The following PTPN11 variants were observed in gnomAD, a reference collection of about 807,000 sequenced individuals.
PTPN11 encodes the protein protein tyrosine phosphatase non-receptor type 11.
A neutral mutation model predicts 78.8 loss-of-function variants in PTPN11; 6 were observed. That is an observed-to-expected ratio of 0.08 (90% CI 0.04 to 0.15). PTPN11 has a LOEUF of 0.15. Ranked by LOEUF, PTPN11 falls within the 10% of genes least tolerant of loss-of-function variation. The pLI, the probability that PTPN11 is intolerant of heterozygous loss-of-function variation, is 1.00. For missense variants in PTPN11, 386 were observed against 744.8 expected (o/e 0.52, Z 5.61); for synonymous variants, 221 against 263.5 (o/e 0.84, Z 1.56).
chr12:112,468,638 A>T (rs939479372), intron 6 of PTPN11, among the ~76,000 whole-genome samples: 1 of 152,182 alleles, frequency 6.6e-6, no homozygotes, highest in Non-Finnish European at 1.5e-5. Flanking sequence ...GTTAGCACCC[A>T]CCTGAGCCTG....
At chr12:112,428,481 TATTA>T (rs1381495406) in intron 1 of PTPN11, among the ~76,000 whole-genome samples, 4 of 151,366 alleles carry the variant, frequency 2.6e-5, no homozygotes, top group African/African-American at 9.7e-5. Flanking sequence ...TTAAGATTTT[TATTA>T]ATTCCACTGT....
chr12:112,500,992 AT>A (rs2038868224), intron 13 of PTPN11, among the ~76,000 whole-genome samples: 1 of 151,386 alleles, frequency 6.6e-6, no homozygotes, highest in African/African-American at 2.4e-5. Context: ...GCAGCCTTGA[AT>A]TCCTGGGCTC....
chr12:112,483,151 T>C (rs1678160551), intron 10 of PTPN11, among the ~76,000 whole-genome samples: 1 of 151,220 alleles, frequency 6.6e-6, no homozygotes, highest in South Asian at 2.1e-4. Flanking sequence ...AAAGAAAAAA[T>C]GCAGGAGTTT....
At chr12:112,451,591 A>C (rs939865352) in intron 3 of PTPN11, among the ~76,000 whole-genome samples, 3 of 152,300 alleles carry the variant, frequency 2.0e-5, no homozygotes, top group African/African-American at 7.2e-5. Flanking sequence ...ATTCAGACTT[A>C]CATGTATTGA....
At chr12:112,466,060 A>G (rs1444697720) in intron 6 of PTPN11, among the ~76,000 whole-genome samples, 1 of 152,152 alleles carries the variant, frequency 6.6e-6, no homozygotes, top group Non-Finnish European at 1.5e-5. Flanking sequence ...ATCAGTCTTT[A>G]TCTTTATAGA....
At chr12:112,447,594 G>C (rs2038013333) in intron 2 of PTPN11, among the ~76,000 whole-genome samples, 2 of 151,550 alleles carry the variant, frequency 1.3e-5, no homozygotes, top group Admixed American at 1.3e-4. Flanking sequence ...CAGCCTCCTG[G>C]GTTCAAGCTA....
intron 1 of PTPN11, among the ~76,000 whole-genome samples, chr12:112,426,939 C>T (rs989818702): frequency 9.9e-5 from 15 of 152,016 alleles, no homozygotes; most frequent in African/African-American, 3.1e-4. Flanking sequence ...ACCTGGCCAG[C>T]GATCCTTAAT....
intron 1 of PTPN11, among the ~76,000 whole-genome samples, chr12:112,444,101 T>G (rs2037952054): frequency 6.6e-6 from 1 of 152,044 alleles, no homozygotes; most frequent in South Asian, 2.1e-4. Flanking sequence ...GAGGATTAAG[T>G]TTCAACCTCA....
At chr12:112,492,830 T>C (rs1275677267) in intron 13 of PTPN11, among the ~76,000 whole-genome samples, 1 of 152,186 alleles carries the variant, frequency 6.6e-6, no homozygotes, top group African/African-American at 2.4e-5. Context: ...ATAATACTTT[T>C]TGCCTACTAA....
rs866344532 is a variant in PTPN11 at position 112,442,818 on chromosome 12, C to G, written c.15-3458C>G. 7.6e-5 allele frequency among the ~76,000 whole-genome samples: 8 copies of G among 104,604 alleles called. No individual in the cohort carries two copies. In the South Asian group the frequency reaches 1.6e-3, roughly 20 times the overall value. The allele number at this position is 104,604 out of a possible 152,430, so 68.6% of individuals were successfully genotyped here. ...ACCATGTTTACTCTCTCTCCTCTCT[C>G]TCTCTCTCTTTTTATATATATATAT... On this transcript the variant is annotated intron_variant, in intron 1 of 15. Coordinates refer to ENST00000351677, the MANE Select transcript of PTPN11 (RefSeq NM_002834.5).
At position 112,454,568 on chromosome 12, in the gene PTPN11, T is replaced by G. The variant is rs2038125193; in HGVS notation, c.530T>G (p.Leu177Arg). 1 of 1,610,754 alleles carries G rather than the reference T, an allele frequency of 6.2e-7. No individual in the cohort carries two copies. The highest frequency in any genetic ancestry group is 1.7e-5 in the Admixed American group (1 of 59,980). Reference protein sequence around the residue: ...VTHVMIRCQELKYDVGGGERF... With the variant: ...VTHVMIRCQERKYDVGGGERF... ...GTCATGTGTTTATCTTGAAAGGAAC[T>G]GAAATACGACGTTGGTGGAGGAGAA... The change falls in exon 5 of 16, where the codon CTG becomes CGG. Residue 177 changes from leucine (L) to arginine (R), a missense_variant. Leu to Arg is a moderately radical substitution (Grantham distance 102). Coordinates refer to ENST00000351677, the MANE Select transcript of PTPN11 (RefSeq NM_002834.5).
rs187475904 is a variant in PTPN11 at position 112,473,720 on chromosome 12, G to A, written c.853+680G>A. On this transcript the variant is annotated intron_variant, in intron 7 of 15. Coordinates refer to ENST00000351677, the MANE Select transcript of PTPN11 (RefSeq NM_002834.5). Reference sequence around the variant, plus strand: ...AAATTAGCCATATGTGGTGGTGTGCGCCTGTAATCCCAGCTACTCGGGAGG... The same window carrying A: ...AAATTAGCCATATGTGGTGGTGTGCACCTGTAATCCCAGCTACTCGGGAGG... Among the ~76,000 whole-genome samples the A allele has an allele frequency of 1.3e-4, 20 of 151,872 alleles. No homozygotes were observed. The South Asian group carries it at 2.3e-3, about 17-fold the overall frequency.
rs956216544 is a variant in PTPN11, at chr12:112,489,274, T to C, written c.1599+99T>C. On this transcript the variant is annotated intron_variant, in intron 13 of 15. Transcript: ENST00000351677. The stretch of plus-strand genomic sequence containing the variant: ...AGGAGGACAGGCTCTGATAGACAAC[T>C]GTTTGATTTCGGAATGGGAAACAAA... The C allele has an allele frequency of 4.2e-6, 6 of 1,430,840 alleles. No homozygotes were observed. In the Admixed American group the frequency reaches 8.4e-5, roughly 20 times the overall value. The allele number at this position is 1,430,840 out of a possible 1,614,324, so 88.6% of individuals were successfully genotyped here.
intron 13 of PTPN11, among the ~76,000 whole-genome samples, chr12:112,498,447 A>G (rs765789885): frequency 2.6e-5 from 4 of 152,154 alleles, no homozygotes; most frequent in Non-Finnish European, 5.9e-5. Context: ...AACCAAGGCA[A>G]GTGTTTTCAT....
chr12:112,433,162 C>A (rs1231860535), intron 1 of PTPN11, among the ~76,000 whole-genome samples: 1 of 152,158 alleles, frequency 6.6e-6, no homozygotes, highest in South Asian at 2.1e-4. Context: ...TTTACAGGCA[C>A]CTGGCCACCA....
rs56070053 is a variant in PTPN11 at position 112,471,454 on chromosome 12, A to AAGAGAGAG, written c.757-1460_757-1453dup. Among the ~76,000 whole-genome samples, 684 of 126,340 alleles carry AAGAGAGAG rather than the reference A, an allele frequency of 5.4e-3. 8 individuals carry two copies. Among genetic ancestry groups the AAGAGAGAG allele is most frequent in the East Asian group, 0.016 (67 of 4,288 alleles). 82.9% of individuals were successfully genotyped at this position (126,340 alleles called of 152,430 possible). ...GTGGCTCCATCATATGATAAACAGA[A>AAGAGAGAG]AGAGAGAGAGAGAGAGAGAGAGAGA... On this transcript the variant is annotated intron_variant, in intron 6 of 15. Transcript: ENST00000351677.
At chr12:112,429,303 T>TA (rs1426454843) in intron 1 of PTPN11, among the ~76,000 whole-genome samples, 1 of 152,112 alleles carries the variant, frequency 6.6e-6, no homozygotes, top group Non-Finnish European at 1.5e-5. Flanking sequence ...TCCCTGAAAA[T>TA]ACTATTCTCA....
rs1168475393 is a variant in PTPN11 at position 112,453,385 on chromosome 12, C to G, written c.523C>G (p.Gln175Glu). 6 of 1,613,972 alleles carry G rather than the reference C, an allele frequency of 3.7e-6. No homozygotes were observed. Among genetic ancestry groups the G allele is most frequent in the Non-Finnish European group, 5.1e-6 (6 of 1,179,976 alleles). The change falls in exon 4 of 16, where the codon CAG (glutamine) becomes GAG (glutamate). Residue 175 changes from glutamine to glutamate, a missense_variant and splice_region_variant. Gln to Glu is a conservative substitution (Grantham distance 29). This residue lies in a region of PTPN11 where 279 missense variants were observed against 503.3 expected (regional missense o/e 0.55). Coordinates refer to ENST00000351677, the MANE Select transcript of PTPN11 (RefSeq NM_002834.5). ...SKVTHVMIRC[Q>E]ELKYDVGGGE... ...AGTGACCCATGTTATGATTCGCTGT[C>G]AGGTAAATCTCCAGTTGAAAAATGG...
At chr12:112,439,448 C>A (rs1341678036) in intron 1 of PTPN11, among the ~76,000 whole-genome samples, 1 of 151,970 alleles carries the variant, frequency 6.6e-6, no homozygotes, top group African/African-American at 2.4e-5. Context: ...TGCCAGCCAC[C>A]ATGCCCAGCT....
Sources: allele counts gnomAD v4.1 joint callset (sites outside exome capture counted in the v4.1 genomes callset), GRCh38; gene constraint gnomAD v4.1.1; regional missense constraint gnomAD v4.1.1; transcripts MANE v1.5; gene names NCBI Gene and HGNC (gene_info 2026-07-23, HGNC 2026-07-21).